PCDH15: variants seen among roughly 807,000 people sequenced by gnomAD.
PCDH15 encodes the protein protocadherin-15.
Under a neutral mutation model 178.5 loss-of-function variants are expected in PCDH15, and 129 were observed. The ratio of observed to expected loss-of-function variants is 0.72; its 90% confidence interval spans 0.63 to 0.84. PCDH15 has a LOEUF of 0.84. Ranked by LOEUF, PCDH15 falls within the 40% of genes least tolerant of loss-of-function variation. The pLI is 0.00. For missense variants in PCDH15, 2,230 were observed against 2,099.9 expected (o/e 1.06, Z -1.21); for synonymous variants, 800 against 732.0 (o/e 1.09, Z -1.50).
At chr10:53,816,354 A>T (rs2076059042) in intron 34 of PCDH15, 77 bp from the exon 35 acceptor site, 1 of 397,850 alleles carries the variant, frequency 2.5e-6, no homozygotes, top group African/African-American at 2.1e-5. Context: ...TTGAGAAGAG[A>T]GGAAAAAAAG....
intron 9 of PCDH15, among the ~76,000 whole-genome samples, chr10:54,227,986 C>T (rs1219657510): frequency 1.3e-5 from 2 of 152,110 alleles, no homozygotes; most frequent in South Asian, 2.1e-4. Flanking sequence ...CAAAGCCATT[C>T]GGTAAGTCTC....
chr10:55,604,715 A>G (rs1843172200), intron 2 of PCDH15, among the ~76,000 whole-genome samples: 2 of 143,844 alleles, frequency 1.4e-5, no homozygotes, highest in Non-Finnish European at 3.0e-5. Flanking sequence ...AAGACACAAC[A>G]TACCAGAATC....
intron 26 of PCDH15, among the ~76,000 whole-genome samples, chr10:53,878,768 G>A (rs2080472482): frequency 6.6e-6 from 1 of 151,942 alleles, no homozygotes; most frequent in Admixed American, 6.6e-5. Context: ...CGTGCAGTCA[G>A]TGGTCAAATA....
At chr10:55,442,860 G>A (rs1002105863) in intron 2 of PCDH15, among the ~76,000 whole-genome samples, 5 of 151,954 alleles carry the variant, frequency 3.3e-5, no homozygotes, top group African/African-American at 9.7e-5. Flanking sequence ...AGCAAGTTTA[G>A]TGATAATTGT....
At chr10:55,393,338 T>C (rs975830806) in intron 2 of PCDH15, among the ~76,000 whole-genome samples, 2 of 152,156 alleles carry the variant, frequency 1.3e-5, no homozygotes, top group African/African-American at 4.8e-5. Context: ...GACACCACAC[T>C]GTAGGAACTA....
At chr10:55,542,606 CAT>C (rs1224742894) in intron 2 of PCDH15, among the ~76,000 whole-genome samples, 1 of 147,204 alleles carries the variant, frequency 6.8e-6, no homozygotes, top group African/African-American at 2.5e-5. Context: ...TACATACAGA[CAT>C]ATGTATGTGT....
chr10:54,820,028 A>G (rs1188523379), intron 3 of PCDH15, among the ~76,000 whole-genome samples: 2 of 151,912 alleles, frequency 1.3e-5, no homozygotes, highest in Non-Finnish European at 2.9e-5. Context: ...AAAAAAATCA[A>G]GCAATGGTCA....
At chr10:55,598,811 A>G (rs1842998032) in intron 2 of PCDH15, among the ~76,000 whole-genome samples, 1 of 151,928 alleles carries the variant, frequency 6.6e-6, no homozygotes, top group Non-Finnish European at 1.5e-5. Flanking sequence ...GCTTACACAC[A>G]TACAGAGGAG....
At chr10:54,913,253 GAA>G (rs2131836688) in intron 2 of PCDH15, among the ~76,000 whole-genome samples, 1 of 152,260 alleles carries the variant, frequency 6.6e-6, no homozygotes, top group Admixed American at 6.5e-5. Flanking sequence ...AGGTTTAAGA[GAA>G]AACCATGGTT....
intron 3 of PCDH15, among the ~76,000 whole-genome samples, chr10:54,487,540 T>A (rs1468904751): frequency 6.6e-6 from 1 of 152,054 alleles, no homozygotes; most frequent in Non-Finnish European, 1.5e-5. Context: ...CTTATTAGCT[T>A]TATGAGGTTT....
intron 2 of PCDH15, among the ~76,000 whole-genome samples, chr10:55,448,800 A>C (rs909590351): frequency 2.0e-5 from 3 of 152,106 alleles, no homozygotes; most frequent in African/African-American, 7.2e-5. Context: ...ACTTAGGAGA[A>C]CAAACTTCAA....
chr10:53,970,272 C>T (rs1417960062), intron 21 of PCDH15, among the ~76,000 whole-genome samples: 1 of 152,038 alleles, frequency 6.6e-6, no homozygotes, highest in Admixed American at 6.5e-5. Context: ...AAGGCCATTA[C>T]ATAATGGTAA....
chr10:54,166,261 T>G (rs1275053203), intron 13 of PCDH15, among the ~76,000 whole-genome samples: 2 of 152,216 alleles, frequency 1.3e-5, no homozygotes, highest in Non-Finnish European at 2.9e-5. Context: ...CTCATCAAAT[T>G]TAACAACTCA....
chr10:55,152,177 A>G (rs1356961083), intron 2 of PCDH15, among the ~76,000 whole-genome samples: 2 of 152,158 alleles, frequency 1.3e-5, no homozygotes, highest in Non-Finnish European at 2.9e-5. Context: ...AAAAAGTAAT[A>G]TATTTCATAA....
intron 2 of PCDH15, among the ~76,000 whole-genome samples, chr10:54,596,159 A>G (rs940138038): frequency 1.3e-5 from 2 of 152,272 alleles, no homozygotes; most frequent in African/African-American, 4.8e-5. Flanking sequence ...ATACATAATT[A>G]TCAGGTTCTG....
At chr10:54,914,003 T>C (rs1033423377) in intron 2 of PCDH15, among the ~76,000 whole-genome samples, 2 of 152,192 alleles carry the variant, frequency 1.3e-5, no homozygotes, top group African/African-American at 4.8e-5. Flanking sequence ...TTGTCTCATA[T>C]GAGACTTTAG....
intron 15 of PCDH15, among the ~76,000 whole-genome samples, chr10:54,111,972 C>CAAAAAAAAAAA (rs369333708): frequency 9.2e-5 from 9 of 97,548 alleles, no homozygotes; most frequent in African/African-American, 2.6e-4. Flanking sequence ...ACCAAAAATA[C>CAAAAAAAAAAA]AAAAAAAAAA....
At chr10:55,137,535 GGT>G (rs1564828402) in intron 2 of PCDH15, among the ~76,000 whole-genome samples, 2 of 12,834 alleles carry the variant, frequency 1.6e-4, no homozygotes, top group African/African-American at 1.9e-4. Flanking sequence ...AACAGATTCG[GGT>G]TTTTTTTTTT....
In PCDH15 at chr10:54,238,667, T is replaced by TCG. The variant is rs1424367455; in HGVS notation, c.877-1737_877-1736insCG. On this transcript the variant is annotated intron_variant, in intron 8 of 37. Coordinates refer to ENST00000644397, the MANE Select transcript of PCDH15 (RefSeq NM_001384140.1). ...CTTTTCCTCCCATGCTGCCTCTCTC[T>TCG]CTCTCTCTCTCACACACACACACAC... Among the ~76,000 whole-genome samples the TCG allele has an allele frequency of 2.8e-5, 4 of 141,868 alleles. No individual in the cohort carries two copies. In the East Asian group the frequency reaches 8.1e-4, roughly 29 times the overall value. The allele number at this position is 141,868 out of a possible 152,430, so 93.1% of individuals were successfully genotyped here.
Sources: allele counts gnomAD v4.1 joint callset (sites outside exome capture counted in the v4.1 genomes callset), GRCh38; gene constraint gnomAD v4.1.1; transcripts MANE v1.5; gene names NCBI Gene and HGNC (gene_info 2026-07-23, HGNC 2026-07-21).